LONP2: variants seen among roughly 807,000 people sequenced by gnomAD.
LONP2 encodes the protein lon protease homolog 2, peroxisomal.
LONP2 carries 60 observed loss-of-function variants against 85.6 expected under a neutral mutation model. The observed-to-expected ratio is 0.70, with a 90% CI of 0.57 to 0.87. The LOEUF is 0.87. LONP2 is among the 40% of genes least tolerant of loss of function. LONP2 has a pLI of 0.00. For missense variants in LONP2, 860 were observed against 1,063.5 expected, an observed-to-expected ratio of 0.81 and a Z score of 2.66; for synonymous variants, 395 against 389.7, an observed-to-expected ratio of 1.01 and a Z score of -0.16.
At chr16:48,246,671 C>A (rs981391981) in intron 1 of LONP2, among the ~76,000 whole-genome samples, 2 of 152,144 alleles carry the variant, frequency 1.3e-5, no homozygotes, top group African/African-American at 4.8e-5. Flanking sequence ...AACTCCTGGG[C>A]TCAAGTGATC....
At chr16:48,321,853 G>A (rs1439063292) in intron 11 of LONP2, among the ~76,000 whole-genome samples, 1 of 152,192 alleles carries the variant, frequency 6.6e-6, no homozygotes, top group Non-Finnish European at 1.5e-5. Flanking sequence ...AAGTGAGTGG[G>A]AGTGAATGTG....
chr16:48,249,604 G>C (rs963885402), intron 1 of LONP2, among the ~76,000 whole-genome samples: 1 of 152,078 alleles, frequency 6.6e-6, no homozygotes, highest in Admixed American at 6.5e-5. Flanking sequence ...GGCTGGGCGA[G>C]GTGGGTCTTG....
rs576040014 is a variant in LONP2, at chr16:48,362,656, G to A, written c.*793G>A. 56 of 494,714 alleles carry A rather than the reference G, an allele frequency of 1.1e-4. No homozygotes were observed. The highest frequency in any genetic ancestry group is 4.1e-4 in the Admixed American group (11 of 26,690). 30.6% of individuals were successfully genotyped at this position (494,714 alleles called of 1,614,324 possible). A position where few individuals can be genotyped will look rare whatever the true frequency, so the allele number is the denominator to read the frequency against. On this transcript the variant is annotated 3_prime_UTR_variant, in exon 5 of 5. Transcript: ENST00000565867. The surrounding 1 kb of genome is among the most constrained non-coding windows in gnomAD (Gnocchi z 4.2). ...ATAAGCTCTCTTTTCAAAATGTTCC[G>A]GAAAACATGTGGAACTCCCTTAATC...
intron 11 of LONP2, among the ~76,000 whole-genome samples, chr16:48,305,309 C>T (rs532992544): frequency 1.2e-4 from 18 of 152,272 alleles, no homozygotes; most frequent in South Asian, 6.2e-4. Flanking sequence ...GGCTGGACTG[C>T]GGTGGCACAA....
intron 7 of LONP2, among the ~76,000 whole-genome samples, chr16:48,276,557 T>C (rs532583667): frequency 2.6e-5 from 4 of 152,376 alleles, no homozygotes; most frequent in South Asian, 2.1e-4. Flanking sequence ...GATAAACTTA[T>C]GTGTTTTTAT....
chr16:48,287,706 GA>G (rs967974620), intron 8 of LONP2, among the ~76,000 whole-genome samples: 10 of 152,212 alleles, frequency 6.6e-5, no homozygotes, highest in African/African-American at 2.4e-4. Context: ...GAGAGAAAGG[GA>G]TGAGTGTAAA....
intron 6 of LONP2, among the ~76,000 whole-genome samples, chr16:48,267,715 A>G (rs1364363839): frequency 6.6e-6 from 1 of 152,108 alleles, no homozygotes; most frequent in Non-Finnish European, 1.5e-5. Context: ...TCCTGTGTTC[A>G]AGTGACTCTC....
chr16:48,258,301 C>T (rs1596913356), intron 3 of LONP2, among the ~76,000 whole-genome samples: 1 of 150,478 alleles, frequency 6.6e-6, no homozygotes, highest in Non-Finnish European at 1.5e-5. Flanking sequence ...GAGCCAAGAT[C>T]TCGCCACTGC....
At chr16:48,359,571 C>T (rs1202836395), downstream of LONP2, among the ~76,000 whole-genome samples, 2 of 152,040 alleles carry the variant, frequency 1.3e-5, no homozygotes, top group African/African-American at 2.4e-5. Context: ...TAAAAATTGG[C>T]CGGGCATGGT....
chr16:48,272,407 G>A (rs1429572656), intron 7 of LONP2, among the ~76,000 whole-genome samples: 2 of 151,966 alleles, frequency 1.3e-5, no homozygotes, highest in Non-Finnish European at 2.9e-5. Flanking sequence ...AAACATCACT[G>A]GATTAAAATA....
chr16:48,347,504 A>G lies in LONP2; in HGVS notation c.1939-3A>G, dbSNP rs751617665. 6.2e-7 allele frequency: 1 copy of G among 1,614,068 alleles called. No individual in the cohort carries two copies. The highest frequency in any genetic ancestry group is 8.5e-7 in the Non-Finnish European group (1 of 1,180,010). ...CAACTCTGATCATTCTTCTTCTTTC[A>G]AGGTATCTCAGCGTTTGAGTCAGCC... is the stretch of plus-strand genomic sequence containing the variant. On this transcript the variant is annotated splice_polypyrimidine_tract_variant and splice_region_variant and intron_variant, in intron 12 of 14. Coordinates refer to ENST00000285737, the MANE Select transcript of LONP2 (RefSeq NM_031490.5).
chr16:48,264,161 A>G (rs1186750068), intron 6 of LONP2, among the ~76,000 whole-genome samples: 2 of 152,204 alleles, frequency 1.3e-5, no homozygotes, highest in Middle Eastern at 3.2e-3. Flanking sequence ...GTCACTGATA[A>G]CATCTTATCA....
chr16:48,244,790 C>T lies in LONP2; in HGVS notation c.233+169C>T, dbSNP rs73555645. On this transcript the variant is annotated intron_variant, in intron 1 of 14. Coordinates refer to ENST00000285737, the MANE Select transcript of LONP2 (RefSeq NM_031490.5). ...GCAAAATGGGGATGTCAGATACCTG[C>T]CCCATGACCATGAATGAGATCGTTC... 4.6e-3 allele frequency among the ~76,000 whole-genome samples: 706 copies of T among 152,320 alleles called. 6 individuals are homozygous for T. Among genetic ancestry groups the T allele is most frequent in the African/African-American group, 0.015 (628 of 41,574 alleles).
intron 8 of LONP2, among the ~76,000 whole-genome samples, chr16:48,287,616 A>G (rs1596949428): frequency 6.6e-6 from 1 of 152,018 alleles, no homozygotes; most frequent in Admixed American, 6.6e-5. Context: ...ATCCTTTTCT[A>G]CCCCCTAACA....
chr16:48,269,914 T>A, intron 6 of LONP2, 102 bp from the exon 7 acceptor site: 1 of 1,201,748 alleles, frequency 8.3e-7, no homozygotes, highest in Non-Finnish European at 1.2e-6. Flanking sequence ...TCTTATCACA[T>A]CTATTTTCAA....
chr16:48,342,398 T>C (rs1215407218), intron 12 of LONP2, among the ~76,000 whole-genome samples: 1 of 152,284 alleles, frequency 6.6e-6, no homozygotes, highest in South Asian at 2.1e-4. Flanking sequence ...ACCAACTAAA[T>C]GCCTCAAAGA....
chr16:48,259,358 T>G (rs936440448), intron 4 of LONP2, among the ~76,000 whole-genome samples: 4 of 152,228 alleles, frequency 2.6e-5, no homozygotes, highest in African/African-American at 9.6e-5. Context: ...CACCACTAAT[T>G]AAATAATCCT....
At chr16:48,262,692 C>A in intron 5 of LONP2, 86 bp from the exon 6 acceptor site, 1 of 797,690 alleles carries the variant, frequency 1.3e-6, no homozygotes, top group Non-Finnish European at 2.1e-6. Flanking sequence ...ATATATCTAA[C>A]CAAGAAAGAG....
chr16:48,306,432 T>A (rs1972913014), intron 11 of LONP2, among the ~76,000 whole-genome samples: 1 of 152,222 alleles, frequency 6.6e-6, no homozygotes, highest in Admixed American at 6.5e-5. Context: ...CAGTTTTTCA[T>A]GGTAACATTT....
Sources: allele counts gnomAD v4.1 joint callset (sites outside exome capture counted in the v4.1 genomes callset), GRCh38; gene constraint gnomAD v4.1.1; non-coding constraint Gnocchi (gnomAD v3.1); transcripts MANE v1.5; gene names NCBI Gene and HGNC (gene_info 2026-07-23, HGNC 2026-07-21).